The following RBM20 variants were observed in gnomAD, a reference collection of about 807,000 sequenced individuals.
RBM20 encodes RNA-binding protein 20.
Under a neutral mutation model 110.1 loss-of-function variants are expected in RBM20, and 51 were observed. The ratio of observed to expected loss-of-function variants is 0.46; its 90% CI spans 0.37 to 0.59. The LOEUF (loss-of-function observed/expected upper bound fraction) is 0.59, where lower values mean the gene tolerates loss of function less well. Among genes scored for constraint, RBM20 ranks in the 20% least tolerant of loss-of-function variants. RBM20 has a pLI of 0.00. For missense variants in RBM20, 1,512 were observed against 1,574.9 expected, an observed-to-expected ratio of 0.96 and a Z score of 0.68; for synonymous variants, 589 against 618.2, an observed-to-expected ratio of 0.95 and a Z score of 0.70.
chr10:110,818,446 G>T (rs780117624), intron 9 of RBM20, among the ~76,000 whole-genome samples: 3 of 150,092 alleles, frequency 2.0e-5, no homozygotes, highest in Non-Finnish European at 4.4e-5. Flanking sequence ...TCGGTAGCCC[G>T]GGCCCTGTGG....
At position 110,837,506 on chromosome 10, in the gene RBM20, C is replaced by T. The variant is rs1845147216; in HGVS notation, c.*1528C>T. Reference sequence around the variant, plus strand: ...CAGGTCACTCTCCCCTAGGCAGTTCCTGTTGTTTCTGTTCCTGACCTTGGG... The same window carrying T: ...CAGGTCACTCTCCCCTAGGCAGTTCTTGTTGTTTCTGTTCCTGACCTTGGG... On this transcript the variant is annotated 3_prime_UTR_variant, in exon 14 of 14. Coordinates refer to ENST00000369519, the MANE Select transcript of RBM20 (RefSeq NM_001134363.3). 1 of 152,232 alleles carries T rather than the reference C, an allele frequency of 6.6e-6. No individual in the cohort carries two copies. Among genetic ancestry groups the T allele is most frequent in the Non-Finnish European group, 1.5e-5 (1 of 68,064 alleles). 9.4% of individuals were successfully genotyped at this position (152,232 alleles called of 1,614,324 possible).
chr10:110,813,184 G>A (rs771956041), intron 9 of RBM20, among the ~76,000 whole-genome samples: 4 of 152,214 alleles, frequency 2.6e-5, no homozygotes, highest in Non-Finnish European at 5.9e-5. Flanking sequence ...CTGAGGCACA[G>A]AGAACTTACG....
intron 9 of RBM20, among the ~76,000 whole-genome samples, chr10:110,817,825 G>A (rs1388195981): frequency 3.3e-5 from 5 of 152,198 alleles, no homozygotes; most frequent in Non-Finnish European, 5.9e-5. Context: ...GCAGCTCCAG[G>A]GCTCCAGCGT....
chr10:110,785,119 C>G (rs905149315), intron 5 of RBM20, among the ~76,000 whole-genome samples: 2 of 152,116 alleles, frequency 1.3e-5, no homozygotes, highest in Non-Finnish European at 2.9e-5. Context: ...CATGCCCTGC[C>G]TCAAATACCT....
At chr10:110,706,326 T>C (rs910631777) in intron 1 of RBM20, among the ~76,000 whole-genome samples, 1 of 152,188 alleles carries the variant, frequency 6.6e-6, no homozygotes, top group Non-Finnish European at 1.5e-5. Flanking sequence ...TGGAGTGGCA[T>C]TGGCATACAA....
intron 12 of RBM20, among the ~76,000 whole-genome samples, chr10:110,830,756 G>A (rs972341413): frequency 2.0e-5 from 3 of 152,188 alleles, no homozygotes; most frequent in African/African-American, 7.2e-5. Context: ...CATTGTTCTT[G>A]GAAGGAGGCT....
chr10:110,723,795 T>G (rs1322977437), intron 1 of RBM20, among the ~76,000 whole-genome samples: 1 of 152,228 alleles, frequency 6.6e-6, no homozygotes, highest in African/African-American at 2.4e-5. Flanking sequence ...TTGAGGTTTT[T>G]TAACCCTGTT....
Position 110,836,080 on chromosome 10 carries a change from G to A in RBM20, c.*102G>A. ...CTGGGGACAGGACTAAAGCCTGAGA[G>A]GAAGGAAAACCAAGCAGGGCACATT... On this transcript the variant is annotated 3_prime_UTR_variant, in exon 14 of 14. Transcript: ENST00000369519. 2 of 584,330 alleles carry A rather than the reference G, an allele frequency of 3.4e-6. No homozygotes were observed. The highest frequency in any genetic ancestry group is 3.1e-6 in the Non-Finnish European group (1 of 326,318). The allele number at this position is 584,330 out of a possible 1,614,324, so 36.2% of individuals were successfully genotyped here. A position where few individuals can be genotyped will look rare whatever the true frequency, so the allele number is the denominator to read the frequency against.
intron 1 of RBM20, among the ~76,000 whole-genome samples, chr10:110,702,594 G>A (rs971854067): frequency 2.0e-5 from 3 of 152,318 alleles, no homozygotes; most frequent in East Asian, 1.9e-4. Flanking sequence ...CTTTGTGATC[G>A]GAAGGATGTG....
intron 1 of RBM20, among the ~76,000 whole-genome samples, chr10:110,689,710 C>T (rs1215884391): frequency 2.0e-5 from 3 of 152,176 alleles, no homozygotes; most frequent in Admixed American, 2.0e-4. Context: ...AGTGTAGAGT[C>T]CCTCCTGTTG....
intron 1 of RBM20, among the ~76,000 whole-genome samples, chr10:110,734,701 G>A (rs1312824392): frequency 6.6e-6 from 1 of 150,516 alleles, no homozygotes; most frequent in East Asian, 1.9e-4. Flanking sequence ...ATCTTAAGAG[G>A]AGATATTTTC....
intron 1 of RBM20, among the ~76,000 whole-genome samples, chr10:110,676,922 A>G (rs1046439831): frequency 9.2e-5 from 14 of 152,266 alleles, no homozygotes; most frequent in African/African-American, 2.4e-4. Flanking sequence ...TAGAATTTTA[A>G]AATTTTCAAG....
rs745652115 is a variant in RBM20 at position 110,781,452 on chromosome 10, T to A, written c.843T>A (p.Asp281Glu). The change falls in exon 2 of 14, where the codon GAT becomes GAA. Residue 281 changes from aspartate to glutamate, a missense_variant. Around this residue, in one of 3 missense-constraint regions of RBM20, gnomAD observed 1,149 missense variants for 1,169.4 expected, o/e 0.98. Coordinates refer to ENST00000369519, the MANE Select transcript of RBM20 (RefSeq NM_001134363.3). ...ATGGTCAAGCTGCCTTTTCCAAAGA[T>A]TTTTACGGACCCAACTCCCAAGGTT... ...GQDGQAAFSKDFYGPNSQGSH... is the reference protein window; with the variant it reads ...GQDGQAAFSKEFYGPNSQGSH... 7.1e-6 allele frequency: 11 copies of A among 1,551,516 alleles called. No individual in the cohort carries two copies. Among genetic ancestry groups the A allele is most frequent in the Non-Finnish European group, 9.6e-6 (11 of 1,147,000 alleles).
At chr10:110,768,156 T>C (rs923183065) in intron 1 of RBM20, among the ~76,000 whole-genome samples, 2 of 151,262 alleles carry the variant, frequency 1.3e-5, no homozygotes, top group African/African-American at 4.9e-5. Context: ...GGCAGGGAGG[T>C]TGCAGTGAGC....
intron 1 of RBM20, among the ~76,000 whole-genome samples, chr10:110,677,981 T>C (rs1197083392): frequency 1.3e-5 from 2 of 152,196 alleles, no homozygotes; most frequent in Non-Finnish European, 1.5e-5. Context: ...TGAACACCTA[T>C]TATGTGCTAG....
At chr10:110,772,232 G>C (rs1328877221) in intron 1 of RBM20, among the ~76,000 whole-genome samples, 1 of 152,234 alleles carries the variant, frequency 6.6e-6, no homozygotes, top group Non-Finnish European at 1.5e-5. Flanking sequence ...TTGTAGATGA[G>C]AGAATTTTAT....
chr10:110,834,084 C>T (rs1245241030), intron 13 of RBM20, among the ~76,000 whole-genome samples: 4 of 152,210 alleles, frequency 2.6e-5, no homozygotes, highest in Admixed American at 6.5e-5. Flanking sequence ...CGGCTGGTCA[C>T]GGCTCTGCAA....
rs530789146 is a variant in RBM20, at chr10:110,781,384, G to T, written c.775G>T (p.Gly259Cys). 4 of 1,551,694 alleles carry T rather than the reference G, an allele frequency of 2.6e-6. No homozygotes were observed. The African/African-American group carries it at 4.1e-5, about 16-fold the overall frequency. ...CCTGCCATCCTCGGCCTCAACCTCGGGCAGTGTGACCTATGAAGGGCACTA... is the reference window on the plus strand; with the variant it reads ...CCTGCCATCCTCGGCCTCAACCTCGTGCAGTGTGACCTATGAAGGGCACTA... ...GFLPSSASTS[G>C]SVTYEGHYSH... Residue 259 changes from glycine to cysteine, a missense_variant, in exon 2 of 14, where the codon GGC becomes TGC. By Grantham distance (159) the Gly-to-Cys change is radical. This residue lies in a region of RBM20 where 1,149 missense variants were observed against 1,169.4 expected (regional missense o/e 0.98). Coordinates refer to ENST00000369519, the MANE Select transcript of RBM20 (RefSeq NM_001134363.3).
At chr10:110,722,416 C>T (rs1328643963) in intron 1 of RBM20, among the ~76,000 whole-genome samples, 1 of 151,886 alleles carries the variant, frequency 6.6e-6, no homozygotes, top group Non-Finnish European at 1.5e-5. Context: ...CTGCATGAAG[C>T]ATTGTGATCA....
Sources: allele counts gnomAD v4.1 joint callset (sites outside exome capture counted in the v4.1 genomes callset), GRCh38; gene constraint gnomAD v4.1.1; regional missense constraint gnomAD v4.1.1; transcripts MANE v1.5; gene names NCBI Gene and HGNC (gene_info 2026-07-23, HGNC 2026-07-21).